Variants in STX7 observed in about 807,000 individuals in gnomAD.
STX7 encodes the protein syntaxin-7.
In STX7, 34 loss-of-function variants were observed where a neutral mutation model predicts 39.6. That is an observed-to-expected ratio of 0.86 (90% CI 0.65 to 1.14). STX7 has a LOEUF of 1.14. Among genes scored for constraint, STX7 ranks in the 50% most tolerant of loss-of-function variants. The pLI is 0.00. For synonymous variants in STX7, 119 were observed against 99.1 expected (o/e 1.20, Z -1.19); for missense variants, 284 against 310.4 (o/e 0.92, Z 0.64).
At chr6:132,486,227 G>C (rs1402255246) in intron 2 of STX7, among the ~76,000 whole-genome samples, 1 of 152,072 alleles carries the variant, frequency 6.6e-6, no homozygotes, top group Non-Finnish European at 1.5e-5. Flanking sequence ...GCACTAGATG[G>C]ATCCTCTAGT....
chr6:132,485,088 A>G (rs1455888588), intron 2 of STX7, among the ~76,000 whole-genome samples: 3 of 152,234 alleles, frequency 2.0e-5, no homozygotes, highest in Admixed American at 6.5e-5. Flanking sequence ...ATATGTGTAC[A>G]TCTGTAAAAC....
intron 2 of STX7, among the ~76,000 whole-genome samples, chr6:132,491,550 G>A (rs941702816): frequency 6.6e-6 from 1 of 152,042 alleles, no homozygotes; most frequent in African/African-American, 2.4e-5. Context: ...TTTCTGGCTC[G>A]CTGCCATTCT....
chr6:132,487,021 C>T (rs889528761), intron 2 of STX7, among the ~76,000 whole-genome samples: 1 of 152,136 alleles, frequency 6.6e-6, no homozygotes, highest in Non-Finnish European at 1.5e-5. Flanking sequence ...AAGGATTATG[C>T]TGACCTGCTA....
At chr6:132,478,921 A>AG (rs146820859) in intron 2 of STX7, among the ~76,000 whole-genome samples, 207 of 152,356 alleles carry the variant, frequency 1.4e-3, no homozygotes, top group African/African-American at 4.2e-3. Context: ...TTCGTTGTCA[A>AG]GGATACGGAT....
chr6:132,485,850 A>G (rs574608897), intron 2 of STX7, among the ~76,000 whole-genome samples: 1 of 152,326 alleles, frequency 6.6e-6, no homozygotes, highest in East Asian at 1.9e-4. Context: ...CTGATCCATG[A>G]TCAAGGTATA....
intron 9 of STX7, 43 bp downstream of exon 9, chr6:132,463,950 C>G (rs375342543): frequency 1.9e-6 from 3 of 1,581,590 alleles, no homozygotes; most frequent in East Asian, 2.2e-5. Flanking sequence ...CACACACATA[C>G]GAAAAGGATA....
chr6:132,477,321 G>A (rs978782716), intron 2 of STX7, among the ~76,000 whole-genome samples: 1 of 151,954 alleles, frequency 6.6e-6, no homozygotes, highest in African/African-American at 2.4e-5. Context: ...TTTCTTAAGC[G>A]TATTGATAAT....
rs1774225767 is a variant in STX7, at chr6:132,455,637, A to C, written c.*5121T>G. The C allele has an allele frequency of 6.6e-6, 1 of 152,218 alleles. No individual in the cohort carries two copies. Among genetic ancestry groups the C allele is most frequent in the Non-Finnish European group, 1.5e-5 (1 of 68,038 alleles). The allele number at this position is 152,218 out of a possible 1,614,324, so 9.4% of individuals were successfully genotyped here. ...ACGGGAATCCCACTCTAAGCAATTAAGTGACCAACCTCTTAAAAACTTGCC... is the reference window on the plus strand; with the variant it reads ...ACGGGAATCCCACTCTAAGCAATTACGTGACCAACCTCTTAAAAACTTGCC... On this transcript the variant is annotated 3_prime_UTR_variant, in exon 10 of 10. Coordinates refer to ENST00000367941, the MANE Select transcript of STX7 (RefSeq NM_003569.3).
At chr6:132,499,459 T>C (rs889328227) in intron 2 of STX7, among the ~76,000 whole-genome samples, 16 of 121,808 alleles carry the variant, frequency 1.3e-4, no homozygotes, top group African/African-American at 5.0e-4. Context: ...TCTCCTTCCC[T>C]TCCTCCATCT....
At chr6:132,474,065 C>T (rs1774807765) in intron 3 of STX7, among the ~76,000 whole-genome samples, 1 of 151,484 alleles carries the variant, frequency 6.6e-6, no homozygotes, top group Non-Finnish European at 1.5e-5. Context: ...ACCATCTCTA[C>T]AAAAAATACA....
chr6:132,445,946 GGTT>G lies in STX7; in HGVS notation c.*14809_*14811del, dbSNP rs1032624366. ...TGAAGATTTTATAAATTACACATGG[GGTT>G]GTTATTACAATCTCTTCAGTGTTCA... On this transcript the variant is annotated 3_prime_UTR_variant, in exon 10 of 10. Coordinates refer to ENST00000367941, the MANE Select transcript of STX7 (RefSeq NM_003569.3). 1.3e-5 allele frequency: 2 copies of G among 152,042 alleles called. No individual in the cohort carries two copies. Among genetic ancestry groups the G allele is most frequent in the African/African-American group, 4.8e-5 (2 of 41,394 alleles). 9.4% of individuals were successfully genotyped at this position (152,042 alleles called of 1,614,324 possible). A position where few individuals can be genotyped will look rare whatever the true frequency, so the allele number is the denominator to read the frequency against.
intron 8 of STX7, among the ~76,000 whole-genome samples, chr6:132,464,631 C>T (rs1774511873): frequency 6.6e-6 from 1 of 152,008 alleles, no homozygotes; most frequent in Non-Finnish European, 1.5e-5. Context: ...ATTTCTTTTC[C>T]CTCTATGTCT....
chr6:132,500,792 T>C (rs755357375), intron 2 of STX7, among the ~76,000 whole-genome samples: 5 of 152,204 alleles, frequency 3.3e-5, no homozygotes, highest in Non-Finnish European at 7.3e-5. Flanking sequence ...AAAATTCTTA[T>C]TAATAAGTCT....
chr6:132,467,473 C>T (rs915836174), intron 8 of STX7, among the ~76,000 whole-genome samples: 17 of 152,238 alleles, frequency 1.1e-4, no homozygotes, highest in Admixed American at 5.9e-4. Context: ...CATTTACTTG[C>T]TTTTCTCGCC....
rs1314939268 is a variant in STX7 at position 132,449,572 on chromosome 6, T to C, written c.*11186A>G. The C allele has an allele frequency of 1.3e-5, 2 of 152,188 alleles. No homozygotes were observed. The highest frequency in any genetic ancestry group is 2.9e-5 in the Non-Finnish European group (2 of 68,030). The allele number at this position is 152,188 out of a possible 1,614,324, so 9.4% of individuals were successfully genotyped here. On this transcript the variant is annotated 3_prime_UTR_variant, in exon 10 of 10. Coordinates refer to ENST00000367941, the MANE Select transcript of STX7 (RefSeq NM_003569.3). ...CATAATCTCTAATTCTTATTTTCTA[T>C]CCCTTTACCTGTTTTTGCTGCAATA...
chr6:132,502,265 T>C (rs35772150), intron 2 of STX7, among the ~76,000 whole-genome samples: 2 of 152,228 alleles, frequency 1.3e-5, no homozygotes, highest in Non-Finnish European at 2.9e-5. Context: ...TATGGTCATT[T>C]GAAAACACTA....
intron 2 of STX7, among the ~76,000 whole-genome samples, chr6:132,490,807 C>T (rs1246747319): frequency 6.6e-6 from 1 of 152,122 alleles, no homozygotes; most frequent in Non-Finnish European, 1.5e-5. Context: ...GGGCTGCCGA[C>T]CCTACTCAAA....
chr6:132,501,877 TA>T (rs373209326), intron 2 of STX7, among the ~76,000 whole-genome samples: 268 of 142,510 alleles, frequency 1.9e-3, no homozygotes, highest in African/African-American at 1.7e-3. Flanking sequence ...AGGGAGCCAT[TA>T]AAAAAAAAAA....
intron 3 of STX7, among the ~76,000 whole-genome samples, chr6:132,473,209 T>C (rs950801703): frequency 5.3e-5 from 8 of 152,118 alleles, no homozygotes; most frequent in Non-Finnish European, 1.2e-4. Flanking sequence ...AAATTTACTA[T>C]TATTTAAGTT....
Sources: gnomAD v4.1 joint callset for allele counts (sites outside exome capture counted in the v4.1 genomes callset) on GRCh38, gnomAD v4.1.1 for gene constraint, MANE v1.5 for transcripts, NCBI Gene and HGNC (gene_info 2026-07-23, HGNC 2026-07-21) for gene names.